SLC9A6: variants seen among roughly 807,000 people sequenced by gnomAD.
SLC9A6 encodes solute carrier family 9 member A6.
SLC9A6 carries 6 observed loss-of-function variants against 45.3 expected under a neutral mutation model. The ratio of observed to expected loss-of-function variants is 0.13; its 90% CI spans 0.07 to 0.26. The LOEUF (loss-of-function observed/expected upper bound fraction) is 0.26. Among genes scored for constraint, SLC9A6 ranks in the 10% least tolerant of loss-of-function variants. The probability of loss-of-function intolerance (pLI) is 1.00; values close to 1 mark genes in which losing one functional copy is unlikely to be tolerated. For missense variants in SLC9A6, 278 were observed against 503.7 expected (o/e 0.55, Z 4.29); for synonymous variants, 191 against 187.7 (o/e 1.02, Z -0.14).
At chrX:136,018,563 T>G (rs2071064866) in intron 11 of SLC9A6, among the ~76,000 whole-genome samples, 1 of 111,366 alleles carries the variant, frequency 9.0e-6, no homozygotes, top group Non-Finnish European at 1.9e-5. Flanking sequence ...AACATGATGA[T>G]AAGAAGGGAA....
At position 136,029,903 on chromosome X, in the gene SLC9A6, A is replaced by G. The variant is rs1197593350; in HGVS notation, c.1551-229A>G. On this transcript the variant is annotated intron_variant, in intron 14 of 17. Transcript: ENST00000630721. ...TTTTTTTCTGAAACTGGTAAGTAAGATTGCAGGAAGAGAATCATGGGTACA... is the reference window on the plus strand; with the variant it reads ...TTTTTTTCTGAAACTGGTAAGTAAGGTTGCAGGAAGAGAATCATGGGTACA... The G allele has an allele frequency of 3.3e-5, 14 of 422,822 alleles. No individual in the cohort carries two copies. In the East Asian group the frequency reaches 5.1e-4, roughly 15 times the overall value. 34.8% of individuals were successfully genotyped at this position (422,822 alleles called of 1,213,427 possible).
intron 1 of SLC9A6, 27 bp downstream of exon 1, chrX:135,985,504 T>C: frequency 5.5e-6 from 6 of 1,095,444 alleles, no homozygotes; most frequent in Non-Finnish European, 7.1e-6. Flanking sequence ...GGGGGAGACA[T>C]GGCTCGGCGC....
At chrX:136,030,939 A>G (rs1457688995) in intron 15 of SLC9A6, among the ~76,000 whole-genome samples, 1 of 112,334 alleles carries the variant, frequency 8.9e-6, no homozygotes, top group African/African-American at 3.2e-5. Context: ...CTTGTCAGAA[A>G]CAAACCACAG....
At chrX:135,998,741 G>T (rs1008465015) in intron 5 of SLC9A6, 115 bp from the exon 6 acceptor site, 1 of 661,657 alleles carries the variant, frequency 1.5e-6, no homozygotes, top group Non-Finnish European at 2.5e-6. Context: ...TCAATGACAT[G>T]AATTAAATTT....
intron 6 of SLC9A6, among the ~76,000 whole-genome samples, chrX:135,999,944 A>G (rs918441280): frequency 9.0e-6 from 1 of 110,717 alleles, no homozygotes; most frequent in Non-Finnish European, 1.9e-5. Context: ...AATGTGTTCA[A>G]TACTCTATGA....
chrX:136,038,854 G>C (rs1569525838), intron 16 of SLC9A6, among the ~76,000 whole-genome samples: 1 of 108,079 alleles, frequency 9.3e-6, no homozygotes, highest in African/African-American at 3.4e-5. Context: ...TACCCATTCA[G>C]TACCAGAAGA....
intron 6 of SLC9A6, among the ~76,000 whole-genome samples, chrX:135,999,712 A>G (rs2089553850): frequency 1.8e-5 from 2 of 112,036 alleles, no homozygotes; most frequent in Non-Finnish European, 3.8e-5. Flanking sequence ...ACAGAATGGA[A>G]AGGTTGGGGT....
At chrX:136,040,596 A>G in intron 17 of SLC9A6, among the ~76,000 whole-genome samples, 1 of 111,637 alleles carries the variant, frequency 9.0e-6, no homozygotes, top group Non-Finnish European at 1.9e-5. Flanking sequence ...ATGGTCTATT[A>G]TTTCACACCT....
upstream of SLC9A6, chrX:135,985,349 C>A: frequency 1.8e-5 from 6 of 333,011 alleles, no homozygotes; most frequent in Non-Finnish European, 3.0e-5. Flanking sequence ...CCTGGCAGAG[C>A]GAGCTTGGGA....
chrX:136,025,609 C>A (rs931870518), intron 13 of SLC9A6, among the ~76,000 whole-genome samples: 23 of 112,061 alleles, frequency 2.1e-4, no homozygotes, highest in Non-Finnish European at 4.3e-4. Context: ...GTTCTTATAA[C>A]CTTAATTATT....
intron 7 of SLC9A6, among the ~76,000 whole-genome samples, chrX:136,005,097 G>A (rs1194978157): frequency 1.8e-5 from 2 of 111,851 alleles, no homozygotes; most frequent in African/African-American, 6.5e-5. Context: ...TGGCCTAATG[G>A]ATTAAGAGTT....
At chrX:136,007,016 A>G (rs1301677421) in intron 7 of SLC9A6, among the ~76,000 whole-genome samples, 1 of 110,527 alleles carries the variant, frequency 9.0e-6, no homozygotes, top group Non-Finnish European at 1.9e-5. Context: ...ACAGGTGCAC[A>G]CCACCATGCC....
At chrX:136,025,124 A>C (rs1569525371) in intron 13 of SLC9A6, among the ~76,000 whole-genome samples, 1 of 112,249 alleles carries the variant, frequency 8.9e-6, no homozygotes, top group Non-Finnish European at 1.9e-5. Flanking sequence ...GTTTACTCCA[A>C]CCCTAATCAC....
intron 12 of SLC9A6, among the ~76,000 whole-genome samples, 191 bp from the exon 13 acceptor site, chrX:136,024,139 G>A (rs782008736): frequency 1.3e-4 from 14 of 111,601 alleles, no homozygotes; most frequent in East Asian, 5.6e-4. Flanking sequence ...TGCCCACCTC[G>A]GCCTCCCAAA....
intron 5 of SLC9A6, 136 bp downstream of exon 5, chrX:135,998,694 G>A: frequency 1.5e-6 from 1 of 658,717 alleles, no homozygotes; most frequent in Non-Finnish European, 2.4e-6. Context: ...GTAATAAGTT[G>A]TTTGAATTTT....
intron 8 of SLC9A6, among the ~76,000 whole-genome samples, chrX:136,012,540 C>T (rs1322704515): frequency 2.7e-5 from 3 of 112,632 alleles, no homozygotes; most frequent in Non-Finnish European, 5.6e-5. Flanking sequence ...GGATCAAATT[C>T]GTGTAAAATC....
chrX:136,010,589 C>G lies in SLC9A6; in HGVS notation c.885+6C>G, dbSNP rs781899235. On this transcript the variant is annotated splice_donor_region_variant and intron_variant, in intron 8 of 17. Transcript: ENST00000630721. ...CTGGAGTGGTGACAGCTTTAATATC[C>G]TTTTGTTATATTTATCTTTTCTTGT... 1 of 1,201,894 alleles carries G rather than the reference C, an allele frequency of 8.3e-7. No homozygotes were observed.
intron 6 of SLC9A6, among the ~76,000 whole-genome samples, chrX:136,000,255 A>AAC (rs2089562052): frequency 1.2e-5 from 1 of 85,199 alleles, no homozygotes; most frequent in Admixed American, 1.3e-4. Flanking sequence ...CCCTGTCTCC[A>AAC]AAAAAAAAAA....
rs1046492530 is a variant in SLC9A6, at chrX:135,995,692, T to C, written c.369+707T>C. On this transcript the variant is annotated intron_variant, in intron 3 of 17. Transcript: ENST00000630721. ...GATAATACCTAAAATATTCTATTAA[T>C]ATTTCTTTCAATTCTTTCTTGCCTT... is the stretch of plus-strand genomic sequence containing the variant. Among the ~76,000 whole-genome samples, 4 of 112,473 alleles carry C rather than the reference T, an allele frequency of 3.6e-5. No homozygotes were observed. The South Asian group carries it at 1.5e-3, about 41-fold the overall frequency.
Sources: gnomAD v4.1 joint callset for allele counts (sites outside exome capture counted in the v4.1 genomes callset) on GRCh38, gnomAD v4.1.1 for gene constraint, MANE v1.5 for transcripts, NCBI Gene and HGNC (gene_info 2026-07-23, HGNC 2026-07-21) for gene names.